CACNA2D1: variants seen among roughly 807,000 people sequenced by gnomAD.
CACNA2D1 encodes voltage-dependent calcium channel subunit alpha-2/delta-1.
A neutral mutation model predicts 171.5 loss-of-function variants in CACNA2D1; 53 were observed. That is an observed-to-expected ratio of 0.31 (90% CI 0.25 to 0.39). The LOEUF (loss-of-function observed/expected upper bound fraction) is 0.39. Ranked by LOEUF, CACNA2D1 falls within the 10% of genes least tolerant of loss-of-function variation. CACNA2D1 has a pLI of 1.00. For synonymous variants in CACNA2D1, 442 were observed against 443.1 expected, an observed-to-expected ratio of 1.00 and a Z score of 0.03; for missense variants, 903 against 1,299.8, an observed-to-expected ratio of 0.69 and a Z score of 4.69.
intron 4 of CACNA2D1, among the ~76,000 whole-genome samples, chr7:82,165,364 G>T (rs1321507075): frequency 6.6e-6 from 1 of 151,848 alleles, no homozygotes; most frequent in Non-Finnish European, 1.5e-5. Flanking sequence ...TGTCATTTTG[G>T]CTTTAATAGA....
intron 8 of CACNA2D1, among the ~76,000 whole-genome samples, chr7:82,065,021 G>T (rs1807431570): frequency 6.6e-6 from 1 of 152,132 alleles, no homozygotes; most frequent in African/African-American, 2.4e-5. Context: ...CATCTTGATT[G>T]TGTATGACTG....
chr7:82,242,513 C>T (rs1804424188), intron 3 of CACNA2D1, among the ~76,000 whole-genome samples: 1 of 152,096 alleles, frequency 6.6e-6, no homozygotes, highest in South Asian at 2.1e-4. Context: ...GTAATCTATA[C>T]TCATTTCTAC....
chr7:82,302,450 G>A (rs1813135785), intron 3 of CACNA2D1, among the ~76,000 whole-genome samples: 2 of 140,494 alleles, frequency 1.4e-5, no homozygotes, highest in Non-Finnish European at 3.0e-5. Flanking sequence ...CGCTCTTGAT[G>A]CCCAGGCTGG....
intron 6 of CACNA2D1, among the ~76,000 whole-genome samples, chr7:82,105,453 G>A (rs1352100664): frequency 8.9e-5 from 12 of 134,126 alleles, no homozygotes; most frequent in African/African-American, 2.5e-4. Flanking sequence ...AATTTATGAC[G>A]GTCACAAATT....
At chr7:82,351,327 T>C (rs1819823002) in intron 1 of CACNA2D1, among the ~76,000 whole-genome samples, 1 of 151,332 alleles carries the variant, frequency 6.6e-6, no homozygotes, top group African/African-American at 2.4e-5. Context: ...AAATATGGAA[T>C]AAAAATATAA....
chr7:82,383,832 C>A (rs375258218), intron 1 of CACNA2D1, among the ~76,000 whole-genome samples: 1 of 152,094 alleles, frequency 6.6e-6, no homozygotes, highest in African/African-American at 2.4e-5. Flanking sequence ...AAAGTTCTTT[C>A]CATATAAATT....
intron 4 of CACNA2D1, among the ~76,000 whole-genome samples, chr7:82,138,267 C>T (rs1791914624): frequency 6.6e-6 from 1 of 152,012 alleles, no homozygotes; most frequent in Non-Finnish European, 1.5e-5. Context: ...ATAAATATCA[C>T]AGCATATGAA....
At chr7:82,302,656 A>G (rs549290937) in intron 3 of CACNA2D1, among the ~76,000 whole-genome samples, 5 of 152,134 alleles carry the variant, frequency 3.3e-5, no homozygotes, top group Non-Finnish European at 7.4e-5. Flanking sequence ...ACCTCATGTG[A>G]ACCACCTGCC....
chr7:82,119,673 GA>G (rs1362428674), intron 5 of CACNA2D1, among the ~76,000 whole-genome samples: 51 of 152,070 alleles, frequency 3.4e-4, no homozygotes, highest in Non-Finnish European at 8.8e-5. Context: ...AATTGCAATG[GA>G]AATTTACTTA....
chr7:82,362,977 C>A (rs547384741), intron 1 of CACNA2D1, among the ~76,000 whole-genome samples: 64 of 152,146 alleles, frequency 4.2e-4, no homozygotes, highest in African/African-American at 1.4e-3. Context: ...CTGCTAGGTG[C>A]AAAAGAAATG....
chr7:82,179,490 A>AT (rs1796896937), intron 3 of CACNA2D1, among the ~76,000 whole-genome samples: 1 of 152,134 alleles, frequency 6.6e-6, no homozygotes, highest in Non-Finnish European at 1.5e-5. Context: ...TGAGAACTGC[A>AT]TTCTGGTATG....
intron 3 of CACNA2D1, among the ~76,000 whole-genome samples, chr7:82,294,958 C>A (rs1160506667): frequency 2.0e-5 from 3 of 152,038 alleles, no homozygotes. Context: ...AAAACTAATA[C>A]AGGGCTCATA....
intron 15 of CACNA2D1, among the ~76,000 whole-genome samples, chr7:82,008,952 T>A (rs1037224902): frequency 4.6e-5 from 7 of 152,140 alleles, no homozygotes; most frequent in African/African-American, 1.7e-4. Context: ...CAAATAAAAC[T>A]AAGGAAACAA....
intron 18 of CACNA2D1, 66 bp downstream of exon 18, chr7:82,005,357 C>T: frequency 1.0e-6 from 1 of 976,114 alleles, no homozygotes; most frequent in South Asian, 1.4e-5. Flanking sequence ...AAACAACAAT[C>T]CTATTAAGAA....
chr7:82,151,975 C>T (rs990635707), intron 4 of CACNA2D1, among the ~76,000 whole-genome samples: 1 of 151,904 alleles, frequency 6.6e-6, no homozygotes, highest in Non-Finnish European at 1.5e-5. Context: ...TATTTTTGTC[C>T]ACTTTCATGG....
At chr7:82,400,490 C>T (rs1826259751) in intron 1 of CACNA2D1, among the ~76,000 whole-genome samples, 1 of 152,012 alleles carries the variant, frequency 6.6e-6, no homozygotes, top group Non-Finnish European at 1.5e-5. Flanking sequence ...GCTGGGAAAA[C>T]TGGCTAGCCA....
intron 4 of CACNA2D1, among the ~76,000 whole-genome samples, chr7:82,151,154 T>A (rs1314662574): frequency 1.3e-5 from 2 of 152,152 alleles, no homozygotes; most frequent in Non-Finnish European, 2.9e-5. Context: ...ATTCTTTATT[T>A]CATCTCTTGT....
intron 1 of CACNA2D1, among the ~76,000 whole-genome samples, chr7:82,419,581 AC>A (rs1271018552): frequency 6.6e-6 from 1 of 152,226 alleles, no homozygotes; most frequent in Admixed American, 6.5e-5. Flanking sequence ...TTACATAATT[AC>A]ACTTCCTGCT....
intron 21 of CACNA2D1, among the ~76,000 whole-genome samples, chr7:81,986,088 C>G (rs1254694353): frequency 6.6e-6 from 1 of 152,200 alleles, no homozygotes; most frequent in East Asian, 1.9e-4. Flanking sequence ...TGCTAATACT[C>G]AAATGTAGGA....
Sources: allele counts gnomAD v4.1 joint callset (sites outside exome capture counted in the v4.1 genomes callset), GRCh38; gene constraint gnomAD v4.1.1; transcripts MANE v1.5; gene names NCBI Gene and HGNC (gene_info 2026-07-23, HGNC 2026-07-21).